MGAT4C: variants seen among roughly 807,000 people sequenced by gnomAD.
The protein encoded by MGAT4C is MGAT4 family member C.
A neutral mutation model predicts 40.1 loss-of-function variants in MGAT4C; 19 were observed. The observed-to-expected ratio is 0.47, with a 90% CI of 0.33 to 0.70. The LOEUF (loss-of-function observed/expected upper bound fraction) is 0.70. Among genes scored for constraint, MGAT4C ranks in the 30% least tolerant of loss-of-function variants. The pLI is 0.02. For missense variants in MGAT4C, 491 were observed against 563.2 expected (o/e 0.87, Z 1.30); for synonymous variants, 181 against 187.1 (o/e 0.97, Z 0.27).
chr12:86,617,818 C>A (rs867794384), intron 2 of MGAT4C, among the ~76,000 whole-genome samples: 1 of 151,684 alleles, frequency 6.6e-6, no homozygotes, highest in East Asian at 1.9e-4. Context: ...GCAACAAAAC[C>A]CCAAATAGAC....
At chr12:86,446,680 T>TATATATATATATATATATAC (rs1957344024) in intron 2 of MGAT4C, among the ~76,000 whole-genome samples, 4 of 120,132 alleles carry the variant, frequency 3.3e-5, no homozygotes, top group Non-Finnish European at 7.0e-5. Flanking sequence ...TATATATATA[T>TATATATATATATATATATAC]ATATATATAT....
intron 2 of MGAT4C, among the ~76,000 whole-genome samples, chr12:86,706,775 T>C (rs1293895669): frequency 6.6e-6 from 1 of 152,148 alleles, no homozygotes; most frequent in East Asian, 1.9e-4. Context: ...TTAAAGTGTT[T>C]CATTTGATTG....
At position 85,966,452 on chromosome 12, in the gene MGAT4C, T is replaced by C. The variant is rs909238761; in HGVS notation, c.*12837A>G. 1 of 152,172 alleles carries C rather than the reference T, an allele frequency of 6.6e-6. No individual in the cohort carries two copies. Among genetic ancestry groups the C allele is most frequent in the African/African-American group, 2.4e-5 (1 of 41,440 alleles). The allele number at this position is 152,172 out of a possible 1,614,324, so 9.4% of individuals were successfully genotyped here. A position where few individuals can be genotyped will look rare whatever the true frequency, so the allele number is the denominator to read the frequency against. ...CAGTGAAAATATAAAACCTGGCTGTTTTATTCTATTGTGCACTCTAATTAC... is the reference window on the plus strand; with the variant it reads ...CAGTGAAAATATAAAACCTGGCTGTCTTATTCTATTGTGCACTCTAATTAC... On this transcript the variant is annotated 3_prime_UTR_variant, in exon 5 of 5. Coordinates refer to ENST00000611864, the MANE Select transcript of MGAT4C (RefSeq NM_001351288.2).
intron 3 of MGAT4C, among the ~76,000 whole-genome samples, chr12:86,366,366 C>A (rs1367937017): frequency 1.3e-5 from 2 of 152,132 alleles, no homozygotes; most frequent in Non-Finnish European, 2.9e-5. Context: ...TATTTGTATG[C>A]CTTTTATTTC....
intron 3 of MGAT4C, among the ~76,000 whole-genome samples, chr12:86,395,786 TTG>T (rs1956250193): frequency 6.6e-6 from 1 of 152,176 alleles, no homozygotes; most frequent in Non-Finnish European, 1.5e-5. Context: ...ATCTATTTTT[TTG>T]TGTGTGCTTG....
chr12:86,344,756 A>ATGTG (rs375136362), intron 3 of MGAT4C, among the ~76,000 whole-genome samples: 6 of 96,400 alleles, frequency 6.2e-5, no homozygotes, highest in African/African-American at 1.8e-4. Flanking sequence ...GTGTGTGTGT[A>ATGTG]TGTGTGTGTG....
chr12:86,782,225 A>G (rs1430484632), intron 1 of MGAT4C, among the ~76,000 whole-genome samples: 3 of 110,602 alleles, frequency 2.7e-5, no homozygotes, highest in African/African-American at 3.5e-5. Context: ...TCTGTCGCCC[A>G]GGCTGGAGTG....
At chr12:86,013,412 C>G (rs972603868) in intron 2 of MGAT4C, among the ~76,000 whole-genome samples, 1 of 152,036 alleles carries the variant, frequency 6.6e-6, no homozygotes, top group Admixed American at 6.6e-5. Flanking sequence ...CGGCTAATTT[C>G]TTGTACCAAG....
At chr12:86,223,840 A>G (rs1950973733) in intron 1 of MGAT4C, among the ~76,000 whole-genome samples, 1 of 152,136 alleles carries the variant, frequency 6.6e-6, no homozygotes. Context: ...ATCTGCACAC[A>G]ACACCAGTGA....
intron 4 of MGAT4C, among the ~76,000 whole-genome samples, chr12:86,291,942 C>G (rs1245382116): frequency 6.6e-6 from 1 of 152,154 alleles, no homozygotes; most frequent in East Asian, 1.9e-4. Flanking sequence ...ATATCTACCT[C>G]CTTTTGGACT....
At chr12:85,991,018 T>C (rs1199101468) in intron 2 of MGAT4C, among the ~76,000 whole-genome samples, 1 of 152,190 alleles carries the variant, frequency 6.6e-6, no homozygotes, top group East Asian at 1.9e-4. Flanking sequence ...GTCCTTGTCC[T>C]GCATCGAGGA....
intron 1 of MGAT4C, among the ~76,000 whole-genome samples, chr12:86,135,461 T>C (rs1881804963): frequency 6.6e-6 from 1 of 152,122 alleles, no homozygotes; most frequent in African/African-American, 2.4e-5. Context: ...TGCGTGATCT[T>C]ATTTGTAAGG....
intron 1 of MGAT4C, among the ~76,000 whole-genome samples, chr12:86,135,599 C>T (rs1393361834): frequency 2.0e-5 from 3 of 152,086 alleles, no homozygotes; most frequent in African/African-American, 7.2e-5. Context: ...CTATACCTGC[C>T]TTCTGGATAT....
chr12:86,681,206 T>A (rs1949975210), intron 2 of MGAT4C, among the ~76,000 whole-genome samples: 2 of 151,990 alleles, frequency 1.3e-5, no homozygotes, highest in Admixed American at 1.3e-4. Flanking sequence ...CATTGTGAAT[T>A]CAATAGAAAT....
chr12:86,734,825 A>G (rs560088634), intron 1 of MGAT4C, among the ~76,000 whole-genome samples: 12 of 152,220 alleles, frequency 7.9e-5, no homozygotes, highest in African/African-American at 2.9e-4. Context: ...TGGGACAGAG[A>G]GGCAGCAGGT....
chr12:86,701,048 T>C (rs1391031907), intron 2 of MGAT4C, among the ~76,000 whole-genome samples: 2 of 152,136 alleles, frequency 1.3e-5, no homozygotes, highest in East Asian at 1.9e-4. Context: ...TTTTTCAAGA[T>C]CTTAAATAGA....
intron 2 of MGAT4C, among the ~76,000 whole-genome samples, chr12:86,468,947 T>G (rs1957719751): frequency 6.6e-6 from 1 of 152,132 alleles, no homozygotes; most frequent in Admixed American, 6.6e-5. Flanking sequence ...CCCTCTAGTC[T>G]TTTTTGCTTA....
chr12:86,011,210 C>T (rs1319270074), intron 2 of MGAT4C, among the ~76,000 whole-genome samples: 1 of 151,862 alleles, frequency 6.6e-6, no homozygotes, highest in African/African-American at 2.4e-5. Flanking sequence ...TTTCACAGCC[C>T]AATATAGATC....
At chr12:86,787,705 G>C (rs1342663026) in intron 1 of MGAT4C, among the ~76,000 whole-genome samples, 1 of 152,114 alleles carries the variant, frequency 6.6e-6, no homozygotes, top group Non-Finnish European at 1.5e-5. Context: ...CTTTGGGAAG[G>C]AGTATGGAGA....
Sources: gnomAD v4.1 joint callset for allele counts (sites outside exome capture counted in the v4.1 genomes callset) on GRCh38, gnomAD v4.1.1 for gene constraint, MANE v1.5 for transcripts, NCBI Gene and HGNC (gene_info 2026-07-23, HGNC 2026-07-21) for gene names.